Variants in KIAA1755 observed in about 807,000 individuals in gnomAD.
KIAA1755 encodes KIAA1755, also known as uncharacterized protein KIAA1755.
In KIAA1755, 68 loss-of-function variants were observed where a neutral mutation model predicts 91.7. That is an observed-to-expected ratio of 0.74 (90% confidence interval 0.61 to 0.91). KIAA1755 has a LOEUF of 0.91. KIAA1755 is among the 40% of genes least tolerant of loss of function. The pLI is 0.00. For synonymous variants in KIAA1755, 610 were observed against 604.6 expected, an observed-to-expected ratio of 1.01 and a Z score of -0.13; for missense variants, 1,535 against 1,494.4, an observed-to-expected ratio of 1.03 and a Z score of -0.45.
chr20:38,243,156 G>A (rs1314726184), intron 2 of KIAA1755, among the ~76,000 whole-genome samples: 1 of 152,222 alleles, frequency 6.6e-6, no homozygotes, highest in Non-Finnish European at 1.5e-5. Flanking sequence ...GTAAGTCCCA[G>A]ACAATCTTAT....
Position 38,217,385 on chromosome 20 carries a change from C to G in KIAA1755, c.2769G>C (p.Glu923Asp). ...AGGCAAAGGCTGCCAGCTCTGGGAA[C>G]TCTGCACGTTCTGCCTCCCCAGCCC... ...ARGAGEAERAEFPELAAFAST... is the reference protein window; with the variant it reads ...ARGAGEAERADFPELAAFAST... Residue 923 changes from glutamate to aspartate, a missense_variant, in exon 13 of 14, where the codon GAG becomes GAC. Glu to Asp is a conservative substitution (Grantham distance 45, BLOSUM62 2). Transcript: ENST00000279024. 1 of 1,613,528 alleles carries G rather than the reference C, an allele frequency of 6.2e-7. No homozygotes were observed. The highest frequency in any genetic ancestry group is 1.1e-5 in the South Asian group (1 of 90,870).
intron 4 of KIAA1755, chr20:38,233,934 A>C (rs906228685): frequency 2.0e-5 from 3 of 152,164 alleles, no homozygotes; most frequent in Admixed American, 6.5e-5. Context: ...AGTTAAAATG[A>C]GGTTACTGTG....
rs772025751 is a variant in KIAA1755 at position 38,213,522 on chromosome 20, A to T, written c.3123T>A (p.His1041Gln). The T allele has an allele frequency of 1.2e-6, 2 of 1,610,824 alleles. No homozygotes were observed. The highest frequency in any genetic ancestry group is 1.7e-6 in the Non-Finnish European group (2 of 1,179,052). Residue 1041 changes from histidine (H) to glutamine (Q), a missense_variant, in exon 14 of 14, where the codon CAT (histidine) becomes CAA (glutamine). Coordinates refer to ENST00000279024, the MANE Select transcript of KIAA1755 (RefSeq NM_001029864.2). Reference sequence around the variant, plus strand: ...TCTCCAGGAGCATCCGGATCTCCTCATGCCTGATCCGGGCCTCCTCCCATA... The same window carrying T: ...TCTCCAGGAGCATCCGGATCTCCTCTTGCCTGATCCGGGCCTCCTCCCATA... ...QELWEEARIR[H>Q]EEIRMLLEKA...
chr20:38,253,100 G>A (rs2076280588), intron 1 of KIAA1755, among the ~76,000 whole-genome samples: 1 of 152,242 alleles, frequency 6.6e-6, no homozygotes, highest in African/African-American at 2.4e-5. Flanking sequence ...CCAGGCAGGA[G>A]CCAGCGGGTG....
intron 1 of KIAA1755, among the ~76,000 whole-genome samples, chr20:38,253,296 C>T (rs1462016077): frequency 2.0e-5 from 3 of 152,190 alleles, no homozygotes; most frequent in Admixed American, 6.5e-5. Context: ...TTGCTCACAG[C>T]GGTTATAACC....
intron 1 of KIAA1755, among the ~76,000 whole-genome samples, chr20:38,250,506 GTGTGTC>G (rs1274528773): frequency 6.2e-4 from 90 of 144,954 alleles, no homozygotes; most frequent in Admixed American, 1.4e-3. Flanking sequence ...GTGTGTGTGT[GTGTGTC>G]TGTGTGTGTG....
intron 1 of KIAA1755, among the ~76,000 whole-genome samples, chr20:38,257,969 G>A (rs551952207): frequency 1.3e-5 from 2 of 150,336 alleles, no homozygotes; most frequent in African/African-American, 4.9e-5. Context: ...GTGCGATCTC[G>A]GCTCACTGCA....
chr20:38,255,725 A>T (rs893726285), intron 1 of KIAA1755, among the ~76,000 whole-genome samples: 5 of 152,094 alleles, frequency 3.3e-5, no homozygotes, highest in African/African-American at 1.2e-4. Flanking sequence ...TGGCTCGTAT[A>T]AAAAAACTTT....
intron 8 of KIAA1755, 78 bp from the exon 9 acceptor site, chr20:38,223,714 AG>A (rs2075703857): frequency 1.0e-5 from 11 of 1,088,534 alleles, no homozygotes; most frequent in Non-Finnish European, 1.5e-5. Context: ...AGGAGCACAG[AG>A]GGGAGGTGGG....
At position 38,223,483 on chromosome 20, in the gene KIAA1755, T is replaced by C; in HGVS notation, c.2268+55A>G. ...GCCGTCCCCTTCTCGAAGCCCTTGG[T>C]CCATGGGGTCTGGGGTGTGATGTAG... On this transcript the variant is annotated intron_variant, in intron 9 of 13. Transcript: ENST00000279024. 5 of 1,273,050 alleles carry C rather than the reference T, an allele frequency of 3.9e-6. No individual in the cohort carries two copies. In the South Asian group the frequency reaches 6.0e-5, roughly 15 times the overall value. The allele number at this position is 1,273,050 out of a possible 1,614,324, so 78.9% of individuals were successfully genotyped here. A position where few individuals can be genotyped will look rare whatever the true frequency, so the allele number is the denominator to read the frequency against.
Position 38,213,255 on chromosome 20 carries a change from A to G in KIAA1755, c.3390T>C (p.Ala1130=). 6.2e-7 allele frequency: 1 copy of G among 1,613,584 alleles called. No individual in the cohort carries two copies. The highest frequency in any genetic ancestry group is 8.5e-7 in the Non-Finnish European group (1 of 1,179,998). The change falls in exon 14 of 14, where the codon GCT becomes GCC. Residue 1130 remains alanine, a synonymous_variant. Transcript: ENST00000279024. ...TFQAGSPPQE[A]GQAAEAEDGK... The stretch of plus-strand genomic sequence containing the variant: ...CGTCTTCAGCCTCTGCAGCCTGGCC[A>G]GCTTCCTGGGGTGGAGAGCCTGCCT...
intron 1 of KIAA1755, chr20:38,260,289 G>C (rs760366294): frequency 1.6e-5 from 25 of 1,549,540 alleles, no homozygotes; most frequent in Non-Finnish European, 2.2e-5. Context: ...CACACACATG[G>C]AGAAGCCAGG....
At position 38,260,132 on chromosome 20, in the gene KIAA1755, C is replaced by T. The variant is rs1205633051; in HGVS notation, c.3+366G>A. 13 of 1,186,998 alleles carry T rather than the reference C, an allele frequency of 1.1e-5. No individual in the cohort carries two copies. The East Asian group carries it at 1.3e-4, about 12-fold the overall frequency. 73.5% of individuals were successfully genotyped at this position (1,186,998 alleles called of 1,614,324 possible). A position where few individuals can be genotyped will look rare whatever the true frequency, so the allele number is the denominator to read the frequency against. Reference sequence around the variant, plus strand: ...ACTCTTCCCCATCCAAACTCCCTGCCGGGACAATGTGCATATCACAGTCAG... The same window carrying T: ...ACTCTTCCCCATCCAAACTCCCTGCTGGGACAATGTGCATATCACAGTCAG... On this transcript the variant is annotated intron_variant, in intron 1 of 13. Transcript: ENST00000279024.
intron 13 of KIAA1755, among the ~76,000 whole-genome samples, chr20:38,215,822 GATA>G (rs1331219946): frequency 1.3e-5 from 2 of 152,078 alleles, no homozygotes; most frequent in African/African-American, 2.4e-5. Context: ...TCCTCTTAAT[GATA>G]ATAATAATAT....
In KIAA1755 at chr20:38,213,707, C is replaced by G. The variant is rs1215833363; in HGVS notation, c.2938G>C (p.Ala980Pro). The change falls in exon 14 of 14, where the codon GCC (alanine) becomes CCC (proline). Residue 980 changes from alanine (A) to proline (P), a missense_variant. By Grantham distance (27) the Ala-to-Pro change is conservative. Coordinates refer to ENST00000279024, the MANE Select transcript of KIAA1755 (RefSeq NM_001029864.2). ...GAGGTCTTGTCCAGCCTGAGCTGGG[C>G]CATCAGGTCCTGACAGTCCATGTGG... ...WFHMDCQDLM[A>P]QLRLDKTSRV... 6.6e-7 allele frequency: 1 copy of G among 1,523,386 alleles called. No homozygotes were observed. Among genetic ancestry groups the G allele is most frequent in the African/African-American group, 1.4e-5 (1 of 72,654 alleles). The allele number at this position is 1,523,386 out of a possible 1,614,324, so 94.4% of individuals were successfully genotyped here.
intron 8 of KIAA1755, 99 bp from the exon 9 acceptor site, chr20:38,223,735 C>T (rs1439835108): frequency 5.0e-6 from 4 of 795,982 alleles, no homozygotes; most frequent in African/African-American, 3.6e-5. Flanking sequence ...GAGGCAGTGG[C>T]TCTCCAACTC....
Position 38,240,563 on chromosome 20 carries a change from G to C in KIAA1755, c.1549+19C>G. 6.7e-7 allele frequency: 1 copy of C among 1,483,824 alleles called. No homozygotes were observed. The highest frequency in any genetic ancestry group is 9.0e-7 in the Non-Finnish European group (1 of 1,116,468). The allele number at this position is 1,483,824 out of a possible 1,614,324, so 91.9% of individuals were successfully genotyped here. A position where few individuals can be genotyped will look rare whatever the true frequency, so the allele number is the denominator to read the frequency against. ...CAGACAATAACCTCCTTGTACAGCT[G>C]AGCATGTGGGCATCTTACCTTTCCC... is the stretch of plus-strand genomic sequence containing the variant. On this transcript the variant is annotated intron_variant, in intron 3 of 13. Coordinates refer to ENST00000279024, the MANE Select transcript of KIAA1755 (RefSeq NM_001029864.2).
chr20:38,237,646 G>A (rs1169103211), intron 4 of KIAA1755, among the ~76,000 whole-genome samples: 1 of 151,968 alleles, frequency 6.6e-6, no homozygotes, highest in Non-Finnish European at 1.5e-5. Context: ...GGTGGAGGGT[G>A]GGGAGACATG....
In KIAA1755 at chr20:38,240,864, G is replaced by A. The variant is rs1320612596; in HGVS notation, c.1267C>T (p.Pro423Ser). Residue 423 changes from proline (P) to serine (S), a missense_variant, in exon 3 of 14, where the codon CCC (proline) becomes TCC (serine). Coordinates refer to ENST00000279024, the MANE Select transcript of KIAA1755 (RefSeq NM_001029864.2). ...LRPGPRQASS[P>S]RLSPASPAAA... ...GCAGGAGAAGCTGGGGACAGGCGGGGAGAGGAGGCTTGTCTTGGTCCAGGC... is the reference window on the plus strand; with the variant it reads ...GCAGGAGAAGCTGGGGACAGGCGGGAAGAGGAGGCTTGTCTTGGTCCAGGC... 2 of 1,614,128 alleles carry A rather than the reference G, an allele frequency of 1.2e-6. No homozygotes were observed. Among genetic ancestry groups the A allele is most frequent in the Non-Finnish European group, 1.7e-6 (2 of 1,180,034 alleles).
Sources: allele counts gnomAD v4.1 joint callset (sites outside exome capture counted in the v4.1 genomes callset), GRCh38; gene constraint gnomAD v4.1.1; transcripts MANE v1.5; gene names NCBI Gene and HGNC (gene_info 2026-07-23, HGNC 2026-07-21).